NEB: variants seen among roughly 807,000 people sequenced by gnomAD.
The protein encoded by NEB is nemaline myopathy type 2.
NEB carries 512 observed loss-of-function variants against 952.2 expected under a neutral mutation model. The observed-to-expected ratio is 0.54, with a 90% CI of 0.50 to 0.58. The LOEUF (loss-of-function observed/expected upper bound fraction) is 0.58, where lower values mean the gene tolerates loss of function less well. NEB is among the 20% of genes least tolerant of loss of function. The pLI is 0.00. For synonymous variants in NEB, 2,900 were observed against 3,149.8 expected (o/e 0.92, Z 2.66); for missense variants, 8,428 against 9,231.1 (o/e 0.91, Z 3.56).
intron 72 of NEB, among the ~76,000 whole-genome samples, chr2:151,620,422 A>G (rs1473951389): frequency 6.8e-6 from 1 of 145,996 alleles, no homozygotes; most frequent in Non-Finnish European, 1.5e-5. Flanking sequence ...TTAAAAACCT[A>G]TAAAAATGAA....
At chr2:151,616,736 CATAAT>C (rs1333275366) in intron 75 of NEB, among the ~76,000 whole-genome samples, 1 of 152,044 alleles carries the variant, frequency 6.6e-6, no homozygotes, top group African/African-American at 2.4e-5. Context: ...TTATTGTCAT[CATAAT>C]ATAAAAGACA....
rs767584361 is a variant in NEB at position 151,526,204 on chromosome 2, G to A, written c.22004C>T (p.Thr7335Met). Residue 7335 changes from threonine (T) to methionine (M), a missense_variant, in exon 149 of 182, where the codon ACG becomes ATG. Physicochemically the swap from Thr to Met is moderately conservative, Grantham distance 81. Transcript: ENST00000397345. The part of the protein sequence containing the change: ...ERGTCHAVPD[T>M]PQILLAKTVS... ...AGTCTTCGCCAGCAGGATCTGAGGC[G>A]TGTCAGGTACGGCATGGCAGGTTCC... 5.2e-5 allele frequency: 84 copies of A among 1,613,804 alleles called. No individual in the cohort carries two copies. The highest frequency in any genetic ancestry group is 2.2e-4 in the South Asian group (20 of 91,078).
intron 161 of NEB, among the ~76,000 whole-genome samples, chr2:151,509,568 T>G (rs1313497807): frequency 6.6e-5 from 10 of 152,062 alleles, no homozygotes; most frequent in Non-Finnish European, 1.0e-4. Flanking sequence ...CTGCTATTTC[T>G]CGTGGCCCAA....
chr2:151,523,429 G>A (rs534992315), intron 153 of NEB, among the ~76,000 whole-genome samples: 4 of 152,262 alleles, frequency 2.6e-5, no homozygotes, highest in African/African-American at 9.6e-5. Flanking sequence ...AGTCACTCAC[G>A]ACAACCAAAT....
intron 127 of NEB, 87 bp from the exon 128 acceptor site, chr2:151,552,863 A>G: frequency 1.1e-6 from 1 of 893,344 alleles, no homozygotes; most frequent in South Asian, 1.5e-5. Context: ...GTTGCTTTTA[A>G]CTCATGAGAT....
intron 124 of NEB, among the ~76,000 whole-genome samples, chr2:151,556,891 C>T (rs1457383883): frequency 6.6e-6 from 1 of 152,122 alleles, no homozygotes; most frequent in Non-Finnish European, 1.5e-5. Context: ...ATTTATAGCA[C>T]TAGATGCCCA....
At chr2:151,500,399 T>C (rs1019929030) in intron 168 of NEB, among the ~76,000 whole-genome samples, 8 of 148,282 alleles carry the variant, frequency 5.4e-5, no homozygotes, top group African/African-American at 1.7e-4. Flanking sequence ...GGTCTTGATA[T>C]AGAAGCTTCA....
intron 107 of NEB, among the ~76,000 whole-genome samples, chr2:151,571,330 T>C (rs1259479799): frequency 6.6e-6 from 1 of 152,242 alleles, no homozygotes; most frequent in African/African-American, 2.4e-5. Flanking sequence ...ATTTGAATGA[T>C]AGCCTTGAAG....
chr2:151,615,170 G>A (rs2098150499), intron 76 of NEB, among the ~76,000 whole-genome samples: 1 of 152,204 alleles, frequency 6.6e-6, no homozygotes, highest in African/African-American at 2.4e-5. Context: ...TTCTACCATG[G>A]TGTGGGCTTC....
At position 151,576,259 on chromosome 2, in the gene NEB, G is replaced by C; in HGVS notation, c.16800C>G (p.Ile5600Met). 1 of 1,611,290 alleles carries C rather than the reference G, an allele frequency of 6.2e-7. No individual in the cohort carries two copies. Among genetic ancestry groups the C allele is most frequent in the Non-Finnish European group, 8.5e-7 (1 of 1,178,214 alleles). ...EVLRVKNAQN[I>M]FCDSVYRTPV... Reference sequence around the variant, plus strand: ...GCGTCCGATAGACACTGTCACAAAAGATATTCTGGGCGTTTTTGACTCTCA... The same window carrying C: ...GCGTCCGATAGACACTGTCACAAAACATATTCTGGGCGTTTTTGACTCTCA... Residue 5600 changes from isoleucine to methionine, a missense_variant, in exon 106 of 182, where the codon ATC becomes ATG. Transcript: ENST00000397345.
chr2:151,576,505 T>C (rs1327289638), intron 105 of NEB, among the ~76,000 whole-genome samples, 151 bp from the exon 106 acceptor site: 2 of 39,014 alleles, frequency 5.1e-5, no homozygotes, highest in Non-Finnish European at 9.0e-5. Context: ...TATATATATA[T>C]ATATATATAT....
At chr2:151,636,482 G>A in intron 63 of NEB, 148 bp from the exon 64 acceptor site, 1 of 685,542 alleles carries the variant, frequency 1.5e-6, no homozygotes, top group East Asian at 3.1e-5. Flanking sequence ...TTGTTGAAGT[G>A]AAGACTCAAA....
At chr2:151,661,381 G>C (rs952153776) in intron 46 of NEB, among the ~76,000 whole-genome samples, 5 of 152,136 alleles carry the variant, frequency 3.3e-5, no homozygotes, top group Non-Finnish European at 5.9e-5. Context: ...TTGCTCCGTG[G>C]CTTAGCATAA....
chr2:151,709,578 A>G (rs1315112096), intron 12 of NEB, 78 bp downstream of exon 12: 1 of 1,144,714 alleles, frequency 8.7e-7, no homozygotes, highest in African/African-American at 1.6e-5. Context: ...TTTTTTACTA[A>G]TTATATACAA....
chr2:151,704,672 AC>A (rs2099697212), intron 13 of NEB, among the ~76,000 whole-genome samples: 1 of 151,660 alleles, frequency 6.6e-6, no homozygotes, highest in Non-Finnish European at 1.5e-5. Flanking sequence ...TAACTCTCTG[AC>A]CCCTTGCGCT....
intron 142 of NEB, among the ~76,000 whole-genome samples, chr2:151,535,306 C>T (rs1180420175): frequency 2.2e-4 from 33 of 152,172 alleles, no homozygotes; most frequent in Admixed American, 2.2e-3. Context: ...GTAGAGGATA[C>T]TAAATTAACC....
At position 151,717,429 on chromosome 2, in the gene NEB, T is replaced by G. The variant is rs909548358; in HGVS notation, c.809A>C (p.Asn270Thr). Residue 270 changes from asparagine (N) to threonine (T), a missense_variant, in exon 10 of 182, where the codon AAT becomes ACT. This residue lies in a region of NEB where 2,851 missense variants were observed against 2,791.5 expected (regional missense o/e 1.02). Transcript: ENST00000397345. ...PDIEFAKKVT[N>T]QVSKQKYKED... Reference sequence around the variant, plus strand: ...CTATTTACTTACCTTGCTCACTTGATTGGTTACTTTCTTGGCAAATTCTAT... The same window carrying G: ...CTATTTACTTACCTTGCTCACTTGAGTGGTTACTTTCTTGGCAAATTCTAT... 1 of 1,611,850 alleles carries G rather than the reference T, an allele frequency of 6.2e-7. No homozygotes were observed. The highest frequency in any genetic ancestry group is 1.7e-5 in the Admixed American group (1 of 60,008).
At chr2:151,547,123 G>A (rs1306885555) in intron 133 of NEB, among the ~76,000 whole-genome samples, 2 of 152,164 alleles carry the variant, frequency 1.3e-5, no homozygotes, top group Admixed American at 1.3e-4. Context: ...GACCTGGGAT[G>A]GAGGCCACAC....
In NEB at chr2:151,565,067, C is replaced by T. The variant is rs1388825089; in HGVS notation, c.18448G>A (p.Asp6150Asn). The T allele has an allele frequency of 6.3e-7, 1 of 1,588,796 alleles. No homozygotes were observed. Among genetic ancestry groups the T allele is most frequent in the East Asian group, 2.2e-5 (1 of 44,622 alleles). Residue 6150 changes from aspartate to asparagine, a missense_variant, in exon 117 of 182, where the codon GAC becomes AAC. Asp to Asn is a conservative substitution (Grantham distance 23, BLOSUM62 1). This residue lies in a region of NEB where 3,374 missense variants were observed against 3,651.5 expected (regional missense o/e 0.92). Coordinates refer to ENST00000397345, the MANE Select transcript of NEB (RefSeq NM_001164508.2). The stretch of plus-strand genomic sequence containing the variant: ...ACAGTACTGTAGAGTTTTCCCATGT[C>T]TTTGGAGTGGGAGATATGTGGTGTA... ...PDTPHISHSK[D>N]MGKLYSTILY...
Sources: gnomAD v4.1 joint callset for allele counts (sites outside exome capture counted in the v4.1 genomes callset) on GRCh38, gnomAD v4.1.1 for gene constraint, gnomAD v4.1.1 regional missense constraint, MANE v1.5 for transcripts, NCBI Gene and HGNC (gene_info 2026-07-23, HGNC 2026-07-21) for gene names.